Variants in DHRS7B observed in about 807,000 individuals in gnomAD.
DHRS7B encodes the protein dehydrogenase/reductase 7B, also known as peroxisomal reductase activating PPAR-gamma.
A neutral mutation model predicts 26.4 loss-of-function variants in DHRS7B; 24 were observed. The ratio of observed to expected loss-of-function variants is 0.91; its 90% CI spans 0.66 to 1.28. DHRS7B has a LOEUF of 1.28. Among genes scored for constraint, DHRS7B ranks in the 50% most tolerant of loss-of-function variants. DHRS7B has a pLI of 0.00. For synonymous variants in DHRS7B, 142 were observed against 166.4 expected, an observed-to-expected ratio of 0.85 and a Z score of 1.13; for missense variants, 368 against 419.4, an observed-to-expected ratio of 0.88 and a Z score of 1.07.
chr17:21,171,708 A>T (rs1974251360), intron 1 of DHRS7B: 2 of 478,756 alleles, frequency 4.2e-6, no homozygotes, highest in African/African-American at 2.0e-5. Flanking sequence ...GAGTACTGAC[A>T]CACCACCTCT....
chr17:21,185,523 G>T (rs551748277), intron 5 of DHRS7B, among the ~76,000 whole-genome samples: 1 of 152,176 alleles, frequency 6.6e-6, no homozygotes, highest in African/African-American at 2.4e-5. Context: ...CATCATACAT[G>T]CTTGTACATG....
At chr17:21,190,728 C>T (rs1414982331) in intron 6 of DHRS7B, among the ~76,000 whole-genome samples, 3 of 152,232 alleles carry the variant, frequency 2.0e-5, no homozygotes, top group African/African-American at 7.2e-5. Flanking sequence ...ACCCACCTCT[C>T]GCTTCCCCCA....
chr17:21,164,762 C>T lies in DHRS7B; in HGVS notation c.21-7256C>T, dbSNP rs191474170. 3.5e-3 allele frequency among the ~76,000 whole-genome samples: 526 copies of T among 152,304 alleles called. 5 individuals are homozygous for T. The highest frequency in any genetic ancestry group is 0.012 in the African/African-American group (490 of 41,560). On this transcript the variant is annotated intron_variant, in intron 1 of 6. Transcript: ENST00000395511. ...ATGAGGTCAGACAGCTTTTCTCCTT[C>T]GTTCATTGCCCTCCACCCCAGCCCT...
At chr17:21,166,256 C>G in intron 1 of DHRS7B, 1 of 985,464 alleles carries the variant, frequency 1.0e-6, no homozygotes, top group Non-Finnish European at 1.2e-6. Context: ...AGCCTTCCTT[C>G]AGGTTTTATT....
rs180811200 is a variant in DHRS7B, at chr17:21,132,539, A to C, written c.20+5548A>C. On this transcript the variant is annotated intron_variant, in intron 1 of 6. Transcript: ENST00000395511. ...GAGGGAGACCTTGTCTCAAAAAAAAAAAAAAAAAAACAAAAAAAAAACAGG... is the reference window on the plus strand; with the variant it reads ...GAGGGAGACCTTGTCTCAAAAAAAACAAAAAAAAAACAAAAAAAAAACAGG... 8.7e-3 allele frequency among the ~76,000 whole-genome samples: 1,302 copies of C among 148,940 alleles called. 18 individuals carry two copies. Among genetic ancestry groups the C allele is most frequent in the African/African-American group, 0.03 (1,202 of 40,180 alleles).
At chr17:21,139,256 A>G (rs747275076) in intron 1 of DHRS7B, among the ~76,000 whole-genome samples, 19 of 152,236 alleles carry the variant, frequency 1.2e-4, no homozygotes, top group Non-Finnish European at 2.4e-4. Context: ...TCATTAAACC[A>G]GTATTAATGT....
chr17:21,166,562 G>C (rs1974119266), intron 1 of DHRS7B: 5 of 700,734 alleles, frequency 7.1e-6, no homozygotes, highest in Non-Finnish European at 5.2e-6. Flanking sequence ...AAGGCAGTTT[G>C]ACCCTGCCTT....
chr17:21,141,638 A>C (rs1567617308), intron 1 of DHRS7B, among the ~76,000 whole-genome samples: 1 of 147,962 alleles, frequency 6.8e-6, no homozygotes, highest in East Asian at 2.0e-4. Context: ...AAAAAAAAAA[A>C]AACAACCTCA....
At chr17:21,145,627 C>T (rs1172620245) in intron 1 of DHRS7B, among the ~76,000 whole-genome samples, 2 of 152,282 alleles carry the variant, frequency 1.3e-5, no homozygotes, top group East Asian at 1.9e-4. Context: ...CATTTTTCAA[C>T]TTTATGATGG....
At chr17:21,164,632 C>A (rs1597746205) in intron 1 of DHRS7B, among the ~76,000 whole-genome samples, 1 of 152,320 alleles carries the variant, frequency 6.6e-6, no homozygotes, top group South Asian at 2.1e-4. Context: ...CTTTGGACAG[C>A]CCACTACTCT....
At chr17:21,141,640 A>AAAAAAACAG in intron 1 of DHRS7B, among the ~76,000 whole-genome samples, 1 of 90,078 alleles carries the variant, frequency 1.1e-5, no homozygotes, top group Admixed American at 1.4e-4. Context: ...AAAAAAAAAA[A>AAAAAAACAG]CAACCTCATC....
intron 5 of DHRS7B, among the ~76,000 whole-genome samples, chr17:21,184,693 C>T (rs946369511): frequency 6.6e-5 from 10 of 152,280 alleles, no homozygotes; most frequent in Non-Finnish European, 1.0e-4. Context: ...GTGCCCTGCC[C>T]TCAAGTGTAA....
intron 1 of DHRS7B, among the ~76,000 whole-genome samples, chr17:21,156,495 C>T (rs539066356): frequency 1.7e-4 from 26 of 151,818 alleles, no homozygotes; most frequent in African/African-American, 6.0e-4. Flanking sequence ...ATCCCAGCTA[C>T]TTGGGAGGCT....
chr17:21,176,469 C>G (rs1331450218), intron 2 of DHRS7B, among the ~76,000 whole-genome samples: 1 of 151,972 alleles, frequency 6.6e-6, no homozygotes, highest in Non-Finnish European at 1.5e-5. Context: ...GCCATGGTGG[C>G]GAGTATCTGT....
rs1315084334 is a variant in DHRS7B at position 21,191,071 on chromosome 17, ATC to A, written c.898_899del (p.Leu300SerfsTer29). 6.2e-7 allele frequency: 1 copy of A among 1,614,114 alleles called. No homozygotes were observed. The highest frequency in any genetic ancestry group is 1.3e-5 in the African/African-American group (1 of 74,940). On this transcript the variant is annotated frameshift_variant, in exon 7 of 7. Transcript: ENST00000395511. LOFTEE classifies it high-confidence loss of function. ...GACTTACTGCCTTCCTTGGCTGTTT[ATC>A]TTCGAACTCTGGCTCCTGGGCTCTT...
chr17:21,172,881 C>G (rs16962250), intron 2 of DHRS7B, among the ~76,000 whole-genome samples: 10,388 of 152,312 alleles, frequency 0.068, 565 homozygotes, highest in African/African-American at 0.16. Context: ...TTTCTGGAAG[C>G]CTCTGAGTTA....
chr17:21,177,950 T>C (rs1426923951), intron 2 of DHRS7B, among the ~76,000 whole-genome samples: 2 of 152,226 alleles, frequency 1.3e-5, no homozygotes, highest in Non-Finnish European at 2.9e-5. Flanking sequence ...TAGGTGATGC[T>C]CACAGCTGAT....
At chr17:21,141,043 A>C (rs1041715407) in intron 1 of DHRS7B, among the ~76,000 whole-genome samples, 1 of 152,056 alleles carries the variant, frequency 6.6e-6, no homozygotes, top group African/African-American at 2.4e-5. Context: ...CTCTCTCCAG[A>C]GGTCTGTGAC....
intron 1 of DHRS7B, among the ~76,000 whole-genome samples, chr17:21,147,614 G>A (rs1044451599): frequency 4.6e-5 from 7 of 152,176 alleles, no homozygotes; most frequent in African/African-American, 1.7e-4. Context: ...AAATTTCCCT[G>A]CAAGTCACCA....
Sources: allele counts gnomAD v4.1 joint callset (sites outside exome capture counted in the v4.1 genomes callset), GRCh38; gene constraint gnomAD v4.1.1; transcripts MANE v1.5; gene names NCBI Gene and HGNC (gene_info 2026-07-23, HGNC 2026-07-21).